The following ADGB variants were observed in gnomAD, a reference collection of about 807,000 sequenced individuals.
ADGB encodes the protein androglobin, also known as calpain-7-like protein.
A neutral mutation model predicts 210.5 loss-of-function variants in ADGB; 172 were observed. The observed-to-expected ratio is 0.82, with a 90% CI of 0.72 to 0.93. The LOEUF (loss-of-function observed/expected upper bound fraction) is 0.93, where lower values mean the gene tolerates loss of function less well. Among genes scored for constraint, ADGB ranks in the 40% least tolerant of loss-of-function variants. The probability of loss-of-function intolerance (pLI) is 0.00; values close to 1 mark genes in which losing one functional copy is unlikely to be tolerated. For missense variants in ADGB, 2,025 were observed against 1,964.8 expected (o/e 1.03, Z -0.58); for synonymous variants, 658 against 662.7 (o/e 0.99, Z 0.11).
At chr6:146,692,974 T>C in intron 12 of ADGB, 59 bp downstream of exon 12, 5 of 989,426 alleles carry the variant, frequency 5.1e-6, no homozygotes, top group Non-Finnish European at 7.5e-6. Flanking sequence ...TTGTGATGTG[T>C]CTGGCTAAAG....
intron 26 of ADGB, 128 bp from the exon 27 acceptor site, chr6:146,752,402 C>T (rs1266611157): frequency 2.5e-6 from 2 of 803,492 alleles, no homozygotes; most frequent in Non-Finnish European, 3.8e-6. Context: ...CCAGGCCCCA[C>T]CTCAAACAGT....
At chr6:146,685,924 A>G (rs1776225678) in intron 10 of ADGB, 96 bp downstream of exon 10, 3 of 670,316 alleles carry the variant, frequency 4.5e-6, no homozygotes, top group Admixed American at 8.3e-5. Context: ...GCACATGAAA[A>G]TTTAATTAAA....
intron 12 of ADGB, among the ~76,000 whole-genome samples, chr6:146,698,069 A>G (rs76833669): frequency 0.023 from 3,531 of 152,242 alleles, 109 homozygotes; most frequent in African/African-American, 0.073. Context: ...GAAGTAACCA[A>G]TGTGGTTATC....
chr6:146,649,094 C>T (rs1775660818), intron 3 of ADGB, among the ~76,000 whole-genome samples: 1 of 150,782 alleles, frequency 6.6e-6, no homozygotes. Flanking sequence ...TTATTTTTAA[C>T]AGTGTATAAT....
chr6:146,785,848 C>T (rs1004110696), intron 32 of ADGB, 136 bp downstream of exon 32: 45 of 658,634 alleles, frequency 6.8e-5, no homozygotes, highest in South Asian at 3.7e-4. Context: ...TATAAAAAGT[C>T]GCACAATTTC....
intron 1 of ADGB, among the ~76,000 whole-genome samples, chr6:146,602,630 G>T (rs1181177745): frequency 6.6e-6 from 1 of 152,132 alleles, no homozygotes; most frequent in Non-Finnish European, 1.5e-5. Flanking sequence ...TGCCAGCATG[G>T]TCAGGTTCGG....
At chr6:146,787,015 A>T (rs1284058532) in intron 32 of ADGB, among the ~76,000 whole-genome samples, 1 of 152,118 alleles carries the variant, frequency 6.6e-6, no homozygotes, top group Non-Finnish European at 1.5e-5. Context: ...ACTAAGAGGA[A>T]CTTGGTTAGG....
At chr6:146,631,125 GC>G (rs1460769779) in intron 1 of ADGB, among the ~76,000 whole-genome samples, 1 of 152,146 alleles carries the variant, frequency 6.6e-6, no homozygotes, top group African/African-American at 2.4e-5. Flanking sequence ...GCATACAAGT[GC>G]TTATAATGAT....
chr6:146,691,773 C>T (rs1432253515), intron 11 of ADGB, among the ~76,000 whole-genome samples: 3 of 151,176 alleles, frequency 2.0e-5, no homozygotes, highest in South Asian at 2.1e-4. Flanking sequence ...TGAGTTATGG[C>T]GATGTTATTA....
intron 2 of ADGB, among the ~76,000 whole-genome samples, chr6:146,641,611 G>A (rs1775516666): frequency 6.6e-6 from 1 of 151,776 alleles, no homozygotes; most frequent in African/African-American, 2.4e-5. Flanking sequence ...CACATCTACG[G>A]CCATCTGATC....
chr6:146,655,668 A>T (rs1205762674), intron 4 of ADGB, among the ~76,000 whole-genome samples: 1 of 152,170 alleles, frequency 6.6e-6, no homozygotes, highest in Non-Finnish European at 1.5e-5. Context: ...AATTATCTCC[A>T]AATAATTTTA....
At chr6:146,637,704 T>C (rs185524113) in intron 2 of ADGB, among the ~76,000 whole-genome samples, 16 of 152,036 alleles carry the variant, frequency 1.1e-4, no homozygotes, top group Non-Finnish European at 1.9e-4. Context: ...GGAAATAAAT[T>C]CTCCTTTCTG....
intron 26 of ADGB, 140 bp from the exon 27 acceptor site, chr6:146,752,390 C>T: frequency 4.3e-6 from 3 of 696,900 alleles, no homozygotes; most frequent in Non-Finnish European, 7.0e-6. Flanking sequence ...AATTACCTCT[C>T]ACCAGGCCCC....
At chr6:146,649,548 T>C (rs1775669783) in intron 3 of ADGB, among the ~76,000 whole-genome samples, 1 of 151,740 alleles carries the variant, frequency 6.6e-6, no homozygotes, top group African/African-American at 2.4e-5. Flanking sequence ...TGGAGTTCAG[T>C]GGCATGATCA....
At chr6:146,791,050 T>C (rs932285668) in intron 33 of ADGB, among the ~76,000 whole-genome samples, 1 of 152,196 alleles carries the variant, frequency 6.6e-6, no homozygotes, top group Non-Finnish European at 1.5e-5. Flanking sequence ...TTTGCTTTCT[T>C]ATTATTGAGT....
chr6:146,798,115 T>A (rs1041614012), intron 33 of ADGB, among the ~76,000 whole-genome samples: 11 of 152,160 alleles, frequency 7.2e-5, no homozygotes, highest in Non-Finnish European at 1.5e-4. Context: ...AAACAAGCAC[T>A]TGTTTGTGCT....
chr6:146,678,654 T>C (rs1776116388), intron 9 of ADGB, among the ~76,000 whole-genome samples: 1 of 152,086 alleles, frequency 6.6e-6, no homozygotes, highest in Admixed American at 6.6e-5. Context: ...ACAACGGTCA[T>C]TACAATAAAA....
At chr6:146,769,513 A>G (rs1777623779) in intron 29 of ADGB, among the ~76,000 whole-genome samples, 1 of 152,160 alleles carries the variant, frequency 6.6e-6, no homozygotes, top group East Asian at 1.9e-4. Flanking sequence ...AAAATATTTC[A>G]CAAATTCTTC....
intron 2 of ADGB, among the ~76,000 whole-genome samples, chr6:146,640,746 T>C (rs970381495): frequency 6.6e-6 from 1 of 152,062 alleles, no homozygotes. Flanking sequence ...AAACTAGGTA[T>C]TGAAGGATCA....
Sources: allele counts gnomAD v4.1 joint callset (sites outside exome capture counted in the v4.1 genomes callset), GRCh38; gene constraint gnomAD v4.1.1; transcripts MANE v1.5; gene names NCBI Gene and HGNC (gene_info 2026-07-23, HGNC 2026-07-21).